PIEZO2: variants seen among roughly 807,000 people sequenced by gnomAD.
PIEZO2 encodes piezo type mechanosensitive ion channel component 2.
A neutral mutation model predicts 337.3 loss-of-function variants in PIEZO2; 172 were observed. That is an observed-to-expected ratio of 0.51 (90% CI 0.45 to 0.58). The LOEUF (loss-of-function observed/expected upper bound fraction) is 0.58, where lower values mean the gene tolerates loss of function less well. PIEZO2 is among the 20% of genes least tolerant of loss of function. PIEZO2 has a pLI of 0.00. For missense variants in PIEZO2, 3,028 were observed against 3,391.3 expected, an observed-to-expected ratio of 0.89 and a Z score of 2.66; for synonymous variants, 1,251 against 1,228.5, an observed-to-expected ratio of 1.02 and a Z score of -0.38.
intron 1 of PIEZO2, among the ~76,000 whole-genome samples, chr18:11,115,710 T>G (rs1351714964): frequency 6.6e-6 from 1 of 152,188 alleles, no homozygotes; most frequent in Non-Finnish European, 1.5e-5. Context: ...AAATGCTATG[T>G]TTATCTGAAA....
rs1481015978 is a variant in PIEZO2 at position 11,148,847 on chromosome 18, C to A, written c.-259G>T. On this transcript the variant is annotated 5_prime_UTR_variant, in exon 1 of 56. Coordinates refer to ENST00000674853, the MANE Select transcript of PIEZO2 (RefSeq NM_001378183.1). The surrounding 1 kb of genome is among the most constrained non-coding windows in gnomAD (Gnocchi z 5.2). ...ACCTAGCCCGGCGCCCGGCCCCCTG[C>A]GGCCGGCCCATTTAGTGTGAATCCT... The A allele has an allele frequency of 3.5e-5, 15 of 425,110 alleles. No homozygotes were observed. In the East Asian group the frequency reaches 5.2e-4, roughly 15 times the overall value. The allele number at this position is 425,110 out of a possible 1,614,324, so 26.3% of individuals were successfully genotyped here. A position where few individuals can be genotyped will look rare whatever the true frequency, so the allele number is the denominator to read the frequency against.
rs1407961810 is a variant in PIEZO2, at chr18:10,980,459, A to C, written c.161-799T>G. Among the ~76,000 whole-genome samples, 1 of 152,208 alleles carries C rather than the reference A, an allele frequency of 6.6e-6. No homozygotes were observed. Among genetic ancestry groups the C allele is most frequent in the Non-Finnish European group, 1.5e-5 (1 of 68,020 alleles). On this transcript the variant is annotated intron_variant, in intron 2 of 55. Transcript: ENST00000674853. The surrounding 1 kb of genome is among the most constrained non-coding windows in gnomAD (Gnocchi z 4.8). ...GACTTAGTCCCACCAGTATCAGAGAATGATCAAGGCCACTTGATATGAATG... is the reference window on the plus strand; with the variant it reads ...GACTTAGTCCCACCAGTATCAGAGACTGATCAAGGCCACTTGATATGAATG...
At chr18:10,756,719 G>A (rs1235821357) in intron 27 of PIEZO2, among the ~76,000 whole-genome samples, 1 of 151,024 alleles carries the variant, frequency 6.6e-6, no homozygotes, top group Non-Finnish European at 1.5e-5. Context: ...GAGGAGGGAT[G>A]GGGATAAAGA....
At chr18:10,938,381 T>G (rs543481965) in intron 3 of PIEZO2, among the ~76,000 whole-genome samples, 1 of 152,242 alleles carries the variant, frequency 6.6e-6, no homozygotes, top group Non-Finnish European at 1.5e-5. Context: ...TAGGTATTAA[T>G]AGCAGCAAGG....
intron 36 of PIEZO2, among the ~76,000 whole-genome samples, chr18:10,730,418 T>C (rs1305305781): frequency 6.6e-6 from 1 of 152,238 alleles, no homozygotes; most frequent in Non-Finnish European, 1.5e-5. Context: ...CACGCTCTCA[T>C]TGATTGAATT....
intron 1 of PIEZO2, among the ~76,000 whole-genome samples, chr18:11,134,214 G>A (rs2040418856): frequency 6.6e-6 from 1 of 152,206 alleles, no homozygotes; most frequent in Admixed American, 6.5e-5. Flanking sequence ...AGGATGCTGT[G>A]TGACTTACTT....
rs543482622 is a variant in PIEZO2, at chr18:10,994,580, T to G, written c.161-14920A>C. ...GCATGCCACCATGCCTAATTTTTTT[T>G]TGTATTTTTAGTAGAGACGGGGTTT... On this transcript the variant is annotated intron_variant, in intron 2 of 55. Coordinates refer to ENST00000674853, the MANE Select transcript of PIEZO2 (RefSeq NM_001378183.1). Among the ~76,000 whole-genome samples the G allele has an allele frequency of 2.6e-5, 4 of 151,728 alleles. No homozygotes were observed. The South Asian group carries it at 6.3e-4, about 24-fold the overall frequency.
chr18:10,724,462 A>T lies in PIEZO2; in HGVS notation c.5030-6203T>A, dbSNP rs1054890917. ...TGCAGCCAATCAGACCCCTGGTAGCAGAGCCTGGGCCCACCAAAGGCAATG... is the reference window on the plus strand; with the variant it reads ...TGCAGCCAATCAGACCCCTGGTAGCTGAGCCTGGGCCCACCAAAGGCAATG... On this transcript the variant is annotated intron_variant, in intron 36 of 55. Coordinates refer to ENST00000674853, the MANE Select transcript of PIEZO2 (RefSeq NM_001378183.1). This position sits in a 1 kb window ranked among gnomAD's most constrained non-coding sequence, Gnocchi z 5.8. Among the ~76,000 whole-genome samples the T allele has an allele frequency of 6.6e-6, 1 of 152,196 alleles. No homozygotes were observed. Among genetic ancestry groups the T allele is most frequent in the Admixed American group, 6.5e-5 (1 of 15,282 alleles).
At chr18:10,910,110 A>G (rs2075344618) in intron 4 of PIEZO2, among the ~76,000 whole-genome samples, 1 of 152,246 alleles carries the variant, frequency 6.6e-6, no homozygotes, top group Non-Finnish European at 1.5e-5. Context: ...AGACAAACAC[A>G]TTTTCAATAT....
chr18:10,952,981 T>C lies in PIEZO2; in HGVS notation c.286+26554A>G, dbSNP rs2033367030. On this transcript the variant is annotated intron_variant, in intron 3 of 55. Transcript: ENST00000674853. This position sits in a 1 kb window ranked among gnomAD's most constrained non-coding sequence, Gnocchi z 4.1. ...TCATCTCCGGTTTTTAACTTGCACT[T>C]ACCTAATGACTGTGATGTTAAACAT... Among the ~76,000 whole-genome samples, 1 of 151,866 alleles carries C rather than the reference T, an allele frequency of 6.6e-6. No individual in the cohort carries two copies. Among genetic ancestry groups the C allele is most frequent in the Non-Finnish European group, 1.5e-5 (1 of 67,948 alleles).
intron 50 of PIEZO2, 123 bp from the exon 51 acceptor site, chr18:10,681,876 C>T: frequency 2.2e-6 from 2 of 910,188 alleles, no homozygotes; most frequent in Admixed American, 4.9e-5. Flanking sequence ...TCCCATGATA[C>T]ATGGCATCCG....
intron 2 of PIEZO2, among the ~76,000 whole-genome samples, chr18:11,023,235 C>A (rs371779333): frequency 1.8e-3 from 267 of 152,236 alleles, no homozygotes; most frequent in African/African-American, 6.2e-3. Flanking sequence ...TCTGGCCCCA[C>A]CCACAACCTG....
chr18:10,755,935 G>C (rs1203834993), intron 27 of PIEZO2, among the ~76,000 whole-genome samples: 4 of 150,118 alleles, frequency 2.7e-5, no homozygotes, highest in African/African-American at 9.8e-5. Flanking sequence ...GGGGGATAAG[G>C]ATGAGGGATG....
chr18:10,742,116 C>A (rs2144164520), intron 32 of PIEZO2, among the ~76,000 whole-genome samples: 1 of 152,306 alleles, frequency 6.6e-6, no homozygotes, highest in South Asian at 2.1e-4. Flanking sequence ...GATCTCGCCA[C>A]TGCACTCCAG....
At chr18:11,051,705 G>T (rs2037543473) in intron 2 of PIEZO2, among the ~76,000 whole-genome samples, 1 of 152,204 alleles carries the variant, frequency 6.6e-6, no homozygotes, top group South Asian at 2.1e-4. Context: ...ATCTCAGACT[G>T]CGGCCACTTT....
chr18:10,857,675 C>CTAT (rs2041745829), intron 5 of PIEZO2, among the ~76,000 whole-genome samples: 1 of 152,156 alleles, frequency 6.6e-6, no homozygotes, highest in Non-Finnish European at 1.5e-5. Context: ...TCTTTGTTCA[C>CTAT]TATTTCCATA....
At chr18:10,790,705 C>CTTTTTT (rs34016331) in intron 14 of PIEZO2, among the ~76,000 whole-genome samples, 2 of 127,902 alleles carry the variant, frequency 1.6e-5, no homozygotes, top group Non-Finnish European at 3.2e-5. Context: ...TCAAATGGCA[C>CTTTTTT]TTTTTTTTTT....
rs887202846 is a variant in PIEZO2 at position 10,945,480 on chromosome 18, A to T, written c.286+34055T>A. ...GTGGGGAAAAATGCCCATGGATTGAAATTGGTCTGGTCTTGCCTCACAAAT... is the reference window on the plus strand; with the variant it reads ...GTGGGGAAAAATGCCCATGGATTGATATTGGTCTGGTCTTGCCTCACAAAT... On this transcript the variant is annotated intron_variant, in intron 3 of 55. Transcript: ENST00000674853. The surrounding 1 kb of genome is among the most constrained non-coding windows in gnomAD (Gnocchi z 4.0). 1.3e-5 allele frequency among the ~76,000 whole-genome samples: 2 copies of T among 152,218 alleles called. No individual in the cohort carries two copies. Among genetic ancestry groups the T allele is most frequent in the Non-Finnish European group, 2.9e-5 (2 of 68,036 alleles).
In PIEZO2 at chr18:10,726,823, A is replaced by G; in HGVS notation, c.5029+4584T>C. On this transcript the variant is annotated intron_variant, in intron 36 of 55. Coordinates refer to ENST00000674853, the MANE Select transcript of PIEZO2 (RefSeq NM_001378183.1). This position sits in a 1 kb window ranked among gnomAD's most constrained non-coding sequence, Gnocchi z 5.9. ...CCTGCGGCCCCATGGGGTGCTGGAT[A>G]ATACCCGGATGCCCCACCTTATGCA... The G allele has an allele frequency of 3.8e-6, 6 of 1,574,710 alleles. No homozygotes were observed. Among genetic ancestry groups the G allele is most frequent in the Non-Finnish European group, 4.4e-6 (5 of 1,148,422 alleles).
Sources: gnomAD v4.1 joint callset for allele counts (sites outside exome capture counted in the v4.1 genomes callset) on GRCh38, gnomAD v4.1.1 for gene constraint, Gnocchi (gnomAD v3.1) non-coding constraint, MANE v1.5 for transcripts, NCBI Gene and HGNC (gene_info 2026-07-23, HGNC 2026-07-21) for gene names.